TRIM23: variants seen among roughly 807,000 people sequenced by gnomAD.
TRIM23 encodes the protein E3 ubiquitin-protein ligase TRIM23.
Under a neutral mutation model 71.0 loss-of-function variants are expected in TRIM23, and 27 were observed. The ratio of observed to expected loss-of-function variants is 0.38; its 90% CI spans 0.28 to 0.52. TRIM23 has a LOEUF of 0.52. Among genes scored for constraint, TRIM23 ranks in the 20% least tolerant of loss-of-function variants. The pLI is 0.84. For synonymous variants in TRIM23, 234 were observed against 238.0 expected (o/e 0.98, Z 0.16); for missense variants, 482 against 692.3 (o/e 0.70, Z 3.41).
At position 65,609,411 on chromosome 5, in the gene TRIM23, A is replaced by G; in HGVS notation, c.876T>C (p.Phe292=). Residue 292 remains phenylalanine (F), a synonymous_variant, in exon 6 of 11, where the codon TTT becomes TTC. Transcript: ENST00000231524. ...ENARSCIRAY[F]YDLHETLCRQ... ...GACACAGAGTTTCATGTAGATCATA[A>G]AAATAAGCTCGAATACATGACCGGG... 6.2e-7 allele frequency: 1 copy of G among 1,614,156 alleles called. No individual in the cohort carries two copies. The highest frequency in any genetic ancestry group is 8.5e-7 in the Non-Finnish European group (1 of 1,180,022).
Position 65,591,111 on chromosome 5 carries a change from G to A in TRIM23, c.*658C>T. 9.7e-7 allele frequency: 1 copy of A among 1,029,282 alleles called. No homozygotes were observed. The highest frequency in any genetic ancestry group is 1.2e-6 in the Non-Finnish European group (1 of 858,648). 63.8% of individuals were successfully genotyped at this position (1,029,282 alleles called of 1,614,324 possible). A position where few individuals can be genotyped will look rare whatever the true frequency, so the allele number is the denominator to read the frequency against. On this transcript the variant is annotated 3_prime_UTR_variant, in exon 11 of 11. Transcript: ENST00000231524. ...TTACTAACCTGACAAGCCTAATTGG[G>A]TAACATTTCACTCCCTCATTGTGTT...
At chr5:65,603,335 C>T (rs966947163) in intron 7 of TRIM23, among the ~76,000 whole-genome samples, 5 of 152,094 alleles carry the variant, frequency 3.3e-5, no homozygotes, top group Admixed American at 2.6e-4. Flanking sequence ...GTGGCATATC[C>T]TCACAATGAA....
intron 7 of TRIM23, 58 bp from the exon 8 acceptor site, chr5:65,597,238 A>G: frequency 6.5e-7 from 1 of 1,543,680 alleles, no homozygotes; most frequent in Non-Finnish European, 8.9e-7. Flanking sequence ...AATAGCATTT[A>G]GCACCTTTAT....
intron 2 of TRIM23, among the ~76,000 whole-genome samples, chr5:65,616,572 G>A (rs533615557): frequency 1.3e-4 from 20 of 149,574 alleles, no homozygotes; most frequent in South Asian, 8.6e-4. Context: ...AACCCCAGAG[G>A]TGAAGGCTGC....
chr5:65,609,717 G>A (rs11744704), intron 5 of TRIM23, among the ~76,000 whole-genome samples: 28,980 of 152,040 alleles, frequency 0.19, 3,419 homozygotes, highest in South Asian at 0.32. Flanking sequence ...GTGACCGAGC[G>A]AGACATTGTT....
At chr5:65,603,586 T>A (rs1019055444) in intron 7 of TRIM23, among the ~76,000 whole-genome samples, 1 of 152,184 alleles carries the variant, frequency 6.6e-6, no homozygotes, top group Non-Finnish European at 1.5e-5. Context: ...GTAAAAAGGG[T>A]AGAAGGACCA....
At chr5:65,612,783 C>T (rs1301409776) in intron 3 of TRIM23, among the ~76,000 whole-genome samples, 1 of 152,182 alleles carries the variant, frequency 6.6e-6, no homozygotes, top group East Asian at 1.9e-4. Context: ...CACGCCACTG[C>T]ACTCCAGCAA....
rs1475132495 is a variant in TRIM23 at position 65,612,050 on chromosome 5, C to A, written c.367-169G>T. On this transcript the variant is annotated intron_variant, in intron 3 of 10. Transcript: ENST00000231524. ...ATTCAATACTCATCTGAGAAGCATTCATTTCTAGGGGTAAGAAGCTATTTC... is the reference window on the plus strand; with the variant it reads ...ATTCAATACTCATCTGAGAAGCATTAATTTCTAGGGGTAAGAAGCTATTTC... 2.0e-5 allele frequency among the ~76,000 whole-genome samples: 3 copies of A among 152,308 alleles called. No homozygotes were observed. In the South Asian group the frequency reaches 6.2e-4, roughly 32 times the overall value.
chr5:65,611,020 A>T lies in TRIM23; in HGVS notation c.669T>A (p.Ala223=). Residue 223 remains alanine, a synonymous_variant, in exon 5 of 11, where the codon GCT becomes GCA. Coordinates refer to ENST00000231524, the MANE Select transcript of TRIM23 (RefSeq NM_001656.4). ...GHKHSVLEPE[A]NQIRASILDM... ...CTAAAATTGATGCTCGGATCTGATT[A>T]GCTTCTGGTTCCAATACTGAATGCT... is the stretch of plus-strand genomic sequence containing the variant. 1 of 1,613,148 alleles carries T rather than the reference A, an allele frequency of 6.2e-7. No individual in the cohort carries two copies.
At chr5:65,624,169 G>A in intron 1 of TRIM23, 25 bp downstream of exon 1, 1 of 1,614,018 alleles carries the variant, frequency 6.2e-7, no homozygotes, top group Non-Finnish European at 8.5e-7. Flanking sequence ...CGATGGTGGA[G>A]AATAGAGCAC....
chr5:65,591,618 G>T lies in TRIM23; in HGVS notation c.*151C>A. On this transcript the variant is annotated 3_prime_UTR_variant, in exon 11 of 11. Transcript: ENST00000231524. ...TGCCACAAAATTTTTTTAAAGCAAA[G>T]TACTGAATTCCCAATCCAAGATTCC... The T allele has an allele frequency of 8.9e-7, 1 of 1,128,252 alleles. No homozygotes were observed. Among genetic ancestry groups the T allele is most frequent in the African/African-American group, 1.8e-5 (1 of 55,806 alleles). 69.9% of individuals were successfully genotyped at this position (1,128,252 alleles called of 1,614,324 possible).
At chr5:65,623,612 G>A (rs1199479725) in intron 1 of TRIM23, among the ~76,000 whole-genome samples, 2 of 152,170 alleles carry the variant, frequency 1.3e-5, no homozygotes, top group Admixed American at 6.5e-5. Context: ...CTGCAGACTT[G>A]TGCAAAGAGT....
chr5:65,599,580 T>C (rs1291485714), intron 7 of TRIM23, among the ~76,000 whole-genome samples: 1 of 152,180 alleles, frequency 6.6e-6, no homozygotes, highest in East Asian at 1.9e-4. Flanking sequence ...AAACTACAAA[T>C]ATTGCTAAAA....
chr5:65,599,949 G>GTA (rs1754315586), intron 7 of TRIM23, among the ~76,000 whole-genome samples: 1 of 152,162 alleles, frequency 6.6e-6, no homozygotes, highest in Non-Finnish European at 1.5e-5. Flanking sequence ...AGGCAGTACA[G>GTA]GAAGCATGAT....
At chr5:65,613,167 TTC>T (rs1371504385) in intron 3 of TRIM23, among the ~76,000 whole-genome samples, 2 of 152,230 alleles carry the variant, frequency 1.3e-5, no homozygotes, top group African/African-American at 2.4e-5. Context: ...AATTCAGGTC[TTC>T]TGTTTCCCAG....
At chr5:65,613,897 A>C (rs1284968222) in intron 3 of TRIM23, 1 of 1,484,742 alleles carries the variant, frequency 6.7e-7, no homozygotes, top group Admixed American at 2.2e-5. Context: ...CATAAAGCAT[A>C]GTTTAGGCAT....
intron 10 of TRIM23, among the ~76,000 whole-genome samples, chr5:65,593,464 T>C (rs1754100618): frequency 6.6e-6 from 1 of 152,158 alleles, no homozygotes. Context: ...TGTATATAAG[T>C]CTGAGGATTA....
Position 65,596,532 on chromosome 5 carries a change from C to A in TRIM23, c.1310-1G>T. ...TATTCTACAGTTTCCACGTTAAAAC[C>A]TGTTTTAAAAAAAAAGTTACTTTTA... On this transcript the variant is annotated splice_acceptor_variant, in intron 8 of 10. Transcript: ENST00000231524. LOFTEE classifies it high-confidence loss of function. The A allele has an allele frequency of 6.4e-7, 1 of 1,559,830 alleles. No individual in the cohort carries two copies. The highest frequency in any genetic ancestry group is 2.2e-5 in the East Asian group (1 of 44,468).
At chr5:65,610,635 G>A (rs1754625170) in intron 5 of TRIM23, among the ~76,000 whole-genome samples, 1 of 152,028 alleles carries the variant, frequency 6.6e-6, no homozygotes, top group Non-Finnish European at 1.5e-5. Flanking sequence ...TCCCTGTTTT[G>A]TGATGCCAAA....
Sources: gnomAD v4.1 joint callset for allele counts (sites outside exome capture counted in the v4.1 genomes callset) on GRCh38, gnomAD v4.1.1 for gene constraint, MANE v1.5 for transcripts, NCBI Gene and HGNC (gene_info 2026-07-23, HGNC 2026-07-21) for gene names.